The following C7orf78 variants were observed in gnomAD, a reference collection of about 807,000 sequenced individuals.
The protein encoded by C7orf78 is putative uncharacterized protein C7orf78.
the C7orf78 span, chr7:12,541,725 G>T: frequency 1.3e-5 from 2 of 151,922 alleles, no homozygotes; most frequent in African/African-American, 4.8e-5. Context: ...ACATATACAA[G>T]GTGGCATAGG....
the C7orf78 span, among the ~76,000 whole-genome samples, chr7:12,489,328 T>C: frequency 6.6e-6 from 1 of 152,162 alleles, no homozygotes; most frequent in African/African-American, 2.4e-5. Flanking sequence ...TCAGCAAGTT[T>C]ATTTAATGAA....
chr7:12,527,065 C>T, the C7orf78 span, among the ~76,000 whole-genome samples: 1 of 132,028 alleles, frequency 7.6e-6, no homozygotes, highest in Non-Finnish European at 1.6e-5. Flanking sequence ...TAGAAAATGC[C>T]ACCTAGCTGT....
At chr7:12,510,257 C>T in the C7orf78 span, among the ~76,000 whole-genome samples, 16 of 151,962 alleles carry the variant, frequency 1.1e-4, no homozygotes, top group African/African-American at 3.9e-4. Flanking sequence ...GATCATGGCT[C>T]ACTGCAGCCC....
At chr7:12,498,627 C>T in the C7orf78 span, among the ~76,000 whole-genome samples, 3 of 152,096 alleles carry the variant, frequency 2.0e-5, no homozygotes, top group Non-Finnish European at 4.4e-5. Context: ...CTGAAAGTGA[C>T]CAGGAGAATG....
At chr7:12,498,120 C>T in the C7orf78 span, among the ~76,000 whole-genome samples, 2 of 151,798 alleles carry the variant, frequency 1.3e-5, no homozygotes, top group Non-Finnish European at 2.9e-5. Flanking sequence ...CAGATAAAAC[C>T]ACAAAGATGG....
chr7:12,495,539 A>G, the C7orf78 span, among the ~76,000 whole-genome samples: 3 of 152,144 alleles, frequency 2.0e-5, no homozygotes, highest in Non-Finnish European at 2.9e-5. Context: ...GGTTATTTCC[A>G]GTTTGGAAAT....
chr7:12,495,374 T>G, the C7orf78 span, among the ~76,000 whole-genome samples: 1 of 152,200 alleles, frequency 6.6e-6, no homozygotes, highest in African/African-American at 2.4e-5. Context: ...ACCTTCCCAA[T>G]AGGTTTCCAA....
chr7:12,494,402 T>C, the C7orf78 span, among the ~76,000 whole-genome samples: 1 of 152,100 alleles, frequency 6.6e-6, no homozygotes, highest in South Asian at 2.1e-4. Context: ...CTCTGTGACT[T>C]GAACATAGAT....
At chr7:12,489,035 T>C in the C7orf78 span, among the ~76,000 whole-genome samples, 33,874 of 151,468 alleles carry the variant, frequency 0.22, 4,774 homozygotes, top group East Asian at 0.52. Context: ...AATACCCAAA[T>C]GCTGGCTATT....
the C7orf78 span, among the ~76,000 whole-genome samples, chr7:12,484,498 T>A: frequency 1.3e-5 from 2 of 152,190 alleles, no homozygotes; most frequent in Admixed American, 6.5e-5. Flanking sequence ...AAATAAACTC[T>A]CTGTAGTCAT....
chr7:12,540,083 TTA>T, the C7orf78 span, among the ~76,000 whole-genome samples: 5 of 152,184 alleles, frequency 3.3e-5, no homozygotes, highest in Non-Finnish European at 7.4e-5. Flanking sequence ...ACATAGGAGT[TTA>T]TATAAAGGAA....
chr7:12,538,312 C>G, the C7orf78 span: 11 of 152,136 alleles, frequency 7.2e-5, no homozygotes, highest in African/African-American at 2.7e-4. Context: ...CCCTGTAGCT[C>G]CAGGATCTGG....
At chr7:12,483,956 A>G in the C7orf78 span, 1 of 151,980 alleles carries the variant, frequency 6.6e-6, no homozygotes, top group African/African-American at 2.4e-5. Context: ...TTCTTCAACA[A>G]ATTGCTGTAT....
At chr7:12,538,043 C>T in the C7orf78 span, among the ~76,000 whole-genome samples, 1 of 152,082 alleles carries the variant, frequency 6.6e-6, no homozygotes, top group East Asian at 1.9e-4. Context: ...CCTTCTGGGT[C>T]CCAGAAATGT....
At chr7:12,532,171 G>A in the C7orf78 span, among the ~76,000 whole-genome samples, 1 of 152,194 alleles carries the variant, frequency 6.6e-6, no homozygotes, top group Non-Finnish European at 1.5e-5. Context: ...ACCTGTGGAA[G>A]CTTCTAGCTT....
the C7orf78 span, among the ~76,000 whole-genome samples, chr7:12,497,540 G>T: frequency 6.6e-6 from 1 of 152,142 alleles, no homozygotes; most frequent in African/African-American, 2.4e-5. Flanking sequence ...CTTAAAAAAC[G>T]GTGCACCATG....
At chr7:12,516,865 A>G in the C7orf78 span, among the ~76,000 whole-genome samples, 1 of 152,174 alleles carries the variant, frequency 6.6e-6, no homozygotes, top group African/African-American at 2.4e-5. Flanking sequence ...CCCCCATTGT[A>G]TCAAGGAAGT....
chr7:12,516,368 G>A, the C7orf78 span, among the ~76,000 whole-genome samples: 1 of 152,374 alleles, frequency 6.6e-6, no homozygotes, highest in East Asian at 1.9e-4. Context: ...TTCAGAAGAT[G>A]TGTGAAAATG....
chr7:12,504,871 T>G, the C7orf78 span, among the ~76,000 whole-genome samples: 1 of 152,118 alleles, frequency 6.6e-6, no homozygotes, highest in Non-Finnish European at 1.5e-5. Context: ...TTACATTTTT[T>G]TATATTGACA....
Sources: gnomAD v4.1 joint callset for allele counts (sites outside exome capture counted in the v4.1 genomes callset) on GRCh38, gnomAD v4.1.1 for gene constraint, MANE v1.5 for transcripts, NCBI Gene and HGNC (gene_info 2026-07-23, HGNC 2026-07-21) for gene names.